Variants in ABLIM1 observed in about 807,000 individuals in gnomAD.
The protein encoded by ABLIM1 is actin binding LIM protein 1, also known as actin-binding LIM protein 1.
In ABLIM1, 40 loss-of-function variants were observed where a neutral mutation model predicts 107.0. The ratio of observed to expected loss-of-function variants is 0.37; its 90% CI spans 0.29 to 0.49. ABLIM1 has a LOEUF of 0.49. Among genes scored for constraint, ABLIM1 ranks in the 20% least tolerant of loss-of-function variants. The pLI is 0.97. For missense variants in ABLIM1, 857 were observed against 1,008.5 expected, an observed-to-expected ratio of 0.85 and a Z score of 2.04; for synonymous variants, 357 against 357.3, an observed-to-expected ratio of 1.00 and a Z score of 0.01.
chr10:114,726,340 AT>A (rs2142095666), intron 1 of ABLIM1, among the ~76,000 whole-genome samples: 1 of 152,276 alleles, frequency 6.6e-6, no homozygotes, highest in African/African-American at 2.4e-5. Context: ...AAGAAAAAAT[AT>A]TAGTTGGCCC....
At chr10:114,644,426 C>A (rs1419961559) in intron 1 of ABLIM1, among the ~76,000 whole-genome samples, 1 of 144,162 alleles carries the variant, frequency 6.9e-6, no homozygotes, top group Non-Finnish European at 1.5e-5. Flanking sequence ...TGTTATTTAA[C>A]CTGTATATTC....
At chr10:114,466,705 C>T (rs544336067) in intron 11 of ABLIM1, among the ~76,000 whole-genome samples, 2 of 152,242 alleles carry the variant, frequency 1.3e-5, no homozygotes, top group South Asian at 2.1e-4. Context: ...GCCATAAAGC[C>T]GGTATTTTAC....
intron 2 of ABLIM1, 176 bp downstream of exon 2, chr10:114,601,651 C>T: frequency 9.7e-7 from 1 of 1,026,734 alleles, no homozygotes; most frequent in Non-Finnish European, 1.5e-6. Flanking sequence ...TTTAGCAGGA[C>T]TCGTTCTCGC....
chr10:114,663,349 C>T (rs1279817918), intron 1 of ABLIM1, among the ~76,000 whole-genome samples: 1 of 152,192 alleles, frequency 6.6e-6, no homozygotes, highest in African/African-American at 2.4e-5. Flanking sequence ...TCTTATTTCC[C>T]CTGCCAGCTG....
At chr10:114,666,101 T>G (rs1162580867) in intron 1 of ABLIM1, among the ~76,000 whole-genome samples, 1 of 152,194 alleles carries the variant, frequency 6.6e-6, no homozygotes, top group Admixed American at 6.5e-5. Flanking sequence ...GACAATGTAT[T>G]GGACACAAAA....
intron 1 of ABLIM1, among the ~76,000 whole-genome samples, chr10:114,738,776 C>T (rs969116205): frequency 1.4e-5 from 2 of 142,302 alleles, no homozygotes; most frequent in African/African-American, 2.6e-5. Flanking sequence ...GAAACTGAGG[C>T]ACGATAAAAA....
At chr10:114,660,766 T>C (rs1363355478), upstream of ABLIM1, among the ~76,000 whole-genome samples, 1 of 152,204 alleles carries the variant, frequency 6.6e-6, no homozygotes, top group Non-Finnish European at 1.5e-5. Context: ...GATGTGTTTA[T>C]ATAGAGGAAC....
At chr10:114,601,134 C>T (rs1332760841) in intron 2 of ABLIM1, among the ~76,000 whole-genome samples, 1 of 151,372 alleles carries the variant, frequency 6.6e-6, no homozygotes, top group African/African-American at 2.4e-5. Context: ...ACCCAATCTT[C>T]CAAGCTTTCC....
chr10:114,585,496 T>C (rs2074083412), intron 2 of ABLIM1, among the ~76,000 whole-genome samples: 1 of 152,192 alleles, frequency 6.6e-6, no homozygotes, highest in Admixed American at 6.5e-5. Context: ...TCTTTTTCTC[T>C]AGTTGCTCCC....
rs1384624916 is a variant in ABLIM1 at position 114,657,975 on chromosome 10, T to C, written c.226A>G (p.Asn76Asp). 1.2e-6 allele frequency: 2 copies of C among 1,613,480 alleles called. No homozygotes were observed. The highest frequency in any genetic ancestry group is 1.3e-5 in the African/African-American group (1 of 74,922). The change falls in exon 1 of 23, where the codon AAC (asparagine) becomes GAC (aspartate). Residue 76 changes from asparagine (N) to aspartate (D), a missense_variant. Physicochemically the swap from Asn to Asp is conservative, Grantham distance 23. This residue lies in a region of ABLIM1 where 176 missense variants were observed against 173.5 expected (regional missense o/e 1.01). Transcript: ENST00000533213. Reference sequence around the variant, plus strand: ...TACTTACCAAAAGGATCAACGCTGTTACATACACGCCCACGTGGGCAGTAG... The same window carrying C: ...TACTTACCAAAAGGATCAACGCTGTCACATACACGCCCACGTGGGCAGTAG... ...KDYCPRGRVC[N>D]SVDPFVAHPQ...
At chr10:114,527,474 A>G (rs556515485) in intron 6 of ABLIM1, among the ~76,000 whole-genome samples, 41 of 152,272 alleles carry the variant, frequency 2.7e-4, no homozygotes, top group African/African-American at 9.6e-4. Flanking sequence ...TTTTATACAC[A>G]CAGCCTCATT....
intron 1 of ABLIM1, among the ~76,000 whole-genome samples, chr10:114,695,426 G>T (rs76196648): frequency 0.014 from 2,084 of 152,236 alleles, 17 homozygotes; most frequent in Non-Finnish European, 0.022. Flanking sequence ...GGCTCAGAGA[G>T]GCTACATCAT....
intron 12 of ABLIM1, among the ~76,000 whole-genome samples, chr10:114,460,142 T>G (rs1301261739): frequency 6.6e-6 from 1 of 152,164 alleles, no homozygotes; most frequent in African/African-American, 2.4e-5. Flanking sequence ...GGCCCTCATA[T>G]GAAGGAGCGT....
chr10:114,679,421 GGTC>G (rs2080639463), intron 1 of ABLIM1, among the ~76,000 whole-genome samples: 1 of 151,982 alleles, frequency 6.6e-6, no homozygotes, highest in African/African-American at 2.4e-5. Context: ...GATCACCTGA[GGTC>G]GGGAGTTTGA....
the ABLIM1 span, among the ~76,000 whole-genome samples, chr10:114,789,022 C>G: frequency 6.6e-6 from 1 of 151,980 alleles, no homozygotes; most frequent in Non-Finnish European, 1.5e-5. Context: ...TTTGGGAGGC[C>G]GAGGTGGGCG....
At chr10:114,796,817 C>T in the ABLIM1 span, among the ~76,000 whole-genome samples, 1 of 152,194 alleles carries the variant, frequency 6.6e-6, no homozygotes, top group East Asian at 1.9e-4. Flanking sequence ...CCAACCTCCA[C>T]CCCACCTTGT....
intron 12 of ABLIM1, among the ~76,000 whole-genome samples, chr10:114,455,958 G>A (rs1458651105): frequency 1.3e-5 from 2 of 152,046 alleles, no homozygotes; most frequent in South Asian, 2.1e-4. Flanking sequence ...GACTACAGGC[G>A]CCCGCCACCG....
chr10:114,712,355 A>G (rs1210605682), intron 1 of ABLIM1, among the ~76,000 whole-genome samples: 17 of 11,538 alleles, frequency 1.5e-3, no homozygotes, highest in African/African-American at 0.012. Context: ...TCCGTCTCGA[A>G]AAAAAAAAAA....
At chr10:114,692,705 T>C (rs2081107157) in intron 1 of ABLIM1, among the ~76,000 whole-genome samples, 2 of 151,996 alleles carry the variant, frequency 1.3e-5, no homozygotes, top group Non-Finnish European at 2.9e-5. Context: ...GCCTGGCCAA[T>C]ATGGTGAAAC....
Sources: gnomAD v4.1 joint callset for allele counts (sites outside exome capture counted in the v4.1 genomes callset) on GRCh38, gnomAD v4.1.1 for gene constraint, gnomAD v4.1.1 regional missense constraint, MANE v1.5 for transcripts, NCBI Gene and HGNC (gene_info 2026-07-23, HGNC 2026-07-21) for gene names.